Variants in PATJ observed in about 807,000 individuals in gnomAD.
PATJ encodes PATJ crumbs cell polarity complex component.
Under a neutral mutation model 224.9 loss-of-function variants are expected in PATJ, and 190 were observed. That is an observed-to-expected ratio of 0.84 (90% CI 0.75 to 0.95). The LOEUF (loss-of-function observed/expected upper bound fraction) is 0.95, where lower values mean the gene tolerates loss of function less well. Among genes scored for constraint, PATJ ranks in the 40% least tolerant of loss-of-function variants. PATJ has a pLI of 0.00. For synonymous variants in PATJ, 769 were observed against 820.3 expected (o/e 0.94, Z 1.07); for missense variants, 2,121 against 2,270.3 (o/e 0.93, Z 1.34).
chr1:62,147,689 C>T (rs1668187127), intron 41 of PATJ, among the ~76,000 whole-genome samples: 3 of 152,018 alleles, frequency 2.0e-5, no homozygotes, highest in Non-Finnish European at 2.9e-5. Context: ...GTCCCAGCTA[C>T]TCGGGAGGCT....
chr1:61,947,703 G>A (rs1191398986), intron 27 of PATJ, among the ~76,000 whole-genome samples: 1 of 152,008 alleles, frequency 6.6e-6, no homozygotes, highest in Non-Finnish European at 1.5e-5. Flanking sequence ...TCACAGAATT[G>A]GAAAAAACTA....
At chr1:61,905,824 T>A (rs78963311) in intron 24 of PATJ, among the ~76,000 whole-genome samples, 2 of 152,146 alleles carry the variant, frequency 1.3e-5, no homozygotes, top group African/African-American at 4.8e-5. Context: ...CCCCATACAC[T>A]AAGCAGTTCT....
At chr1:61,845,779 G>A (rs1661844486) in intron 17 of PATJ, among the ~76,000 whole-genome samples, 1 of 152,210 alleles carries the variant, frequency 6.6e-6, no homozygotes, top group Non-Finnish European at 1.5e-5. Flanking sequence ...TGGCTGTGTT[G>A]TCAGACAATC....
Position 61,767,371 on chromosome 1 carries a change from C to CAAAAAT in PATJ, c.384+912_384+917dup, listed in dbSNP as rs554429961. On this transcript the variant is annotated intron_variant, in intron 4 of 43. Transcript: ENST00000642238. ...CAATGTAGGGAGACCCCCATCTCTACAAAAATAAAAATAAAAATATAGTCG... is the reference window on the plus strand; with the variant it reads ...CAATGTAGGGAGACCCCCATCTCTACAAAAATAAAAATAAAAATAAAAATATAGTCG... Among the ~76,000 whole-genome samples the CAAAAAT allele has an allele frequency of 1.8e-4, 28 of 151,724 alleles. No homozygotes were observed. In the South Asian group the frequency reaches 5.4e-3, roughly 29 times the overall value.
At chr1:61,934,910 C>G (rs565195384) in intron 27 of PATJ, among the ~76,000 whole-genome samples, 1 of 152,178 alleles carries the variant, frequency 6.6e-6, no homozygotes, top group Admixed American at 6.5e-5. Context: ...CACCTAGTTT[C>G]GGAGCATTCT....
At chr1:61,779,778 G>A (rs551080330) in intron 7 of PATJ, among the ~76,000 whole-genome samples, 128 of 152,280 alleles carry the variant, frequency 8.4e-4, no homozygotes, top group African/African-American at 3.0e-3. Flanking sequence ...ATTTAAAATA[G>A]GTTTATTTAG....
At chr1:61,951,667 A>T (rs1679705276) in intron 27 of PATJ, among the ~76,000 whole-genome samples, 2 of 152,190 alleles carry the variant, frequency 1.3e-5, no homozygotes, top group South Asian at 4.2e-4. Context: ...CTGAAAGCTA[A>T]CTTGAAGGCT....
At chr1:61,997,487 A>G (rs1645434068) in intron 28 of PATJ, among the ~76,000 whole-genome samples, 3 of 152,316 alleles carry the variant, frequency 2.0e-5, no homozygotes, top group Non-Finnish European at 1.5e-5. Context: ...TTTCAGTTAC[A>G]AAAGACTTGC....
At chr1:62,053,967 C>T (rs1654103549) in intron 31 of PATJ, among the ~76,000 whole-genome samples, 1 of 152,082 alleles carries the variant, frequency 6.6e-6, no homozygotes, top group South Asian at 2.1e-4. Flanking sequence ...AAATGCCTTC[C>T]CTCATGGACT....
intron 14 of PATJ, among the ~76,000 whole-genome samples, chr1:61,814,303 C>T (rs1051962001): frequency 6.6e-6 from 1 of 151,838 alleles, no homozygotes; most frequent in African/African-American, 2.4e-5. Context: ...GCTATCACGC[C>T]CAGCTAATTT....
At chr1:61,796,638 T>C (rs1191388403) in intron 10 of PATJ, among the ~76,000 whole-genome samples, 1 of 152,142 alleles carries the variant, frequency 6.6e-6, no homozygotes, top group African/African-American at 2.4e-5. Flanking sequence ...TTCAAAAATA[T>C]ATCCTAAGGT....
chr1:61,795,515 C>G lies in PATJ; in HGVS notation c.1217C>G (p.Ala406Gly). 6.2e-7 allele frequency: 1 copy of G among 1,610,388 alleles called. No homozygotes were observed. The highest frequency in any genetic ancestry group is 2.2e-5 in the East Asian group (1 of 44,764). Residue 406 changes from alanine (A) to glycine (G), a missense_variant, in exon 10 of 44, where the codon GCG (alanine) becomes GGG (glycine). Ala to Gly is a moderately conservative substitution (Grantham distance 60, BLOSUM62 0). Coordinates refer to ENST00000642238, the MANE Select transcript of PATJ (RefSeq NM_001350145.3). ...YVKSIIPGSAAYHNGHIQVND... is the reference protein window; with the variant it reads ...YVKSIIPGSAGYHNGHIQVND... The stretch of plus-strand genomic sequence containing the variant: ...AAAAGTATAATACCTGGCAGTGCTG[C>G]GTACCACAATGGCCACATTCAAGTG...
At chr1:62,104,694 G>T (rs1662670915) in intron 33 of PATJ, among the ~76,000 whole-genome samples, 1 of 151,812 alleles carries the variant, frequency 6.6e-6, no homozygotes, top group Middle Eastern at 3.4e-3. Flanking sequence ...ATTTTTTGAG[G>T]CAGAGTCTCA....
intron 17 of PATJ, among the ~76,000 whole-genome samples, 183 bp from the exon 18 acceptor site, chr1:61,855,847 C>T (rs1484749109): frequency 6.6e-6 from 1 of 152,192 alleles, no homozygotes; most frequent in Non-Finnish European, 1.5e-5. Flanking sequence ...CAGAGGTGTA[C>T]AACCATACTT....
intron 7 of PATJ, among the ~76,000 whole-genome samples, chr1:61,785,165 A>C (rs1648244874): frequency 6.6e-6 from 1 of 152,152 alleles, no homozygotes; most frequent in Non-Finnish European, 1.5e-5. Context: ...TGCCACCTGG[A>C]ACTAGGAATT....
chr1:61,789,569 T>C (rs1239176149), intron 8 of PATJ, among the ~76,000 whole-genome samples: 2 of 151,784 alleles, frequency 1.3e-5, no homozygotes, highest in Non-Finnish European at 2.9e-5. Context: ...TCCGAGCACT[T>C]TGGGAGGATG....
At chr1:61,946,244 CA>C (rs1189108198) in intron 27 of PATJ, among the ~76,000 whole-genome samples, 4 of 151,882 alleles carry the variant, frequency 2.6e-5, no homozygotes, top group African/African-American at 4.8e-5. Context: ...GATAGAGACA[CA>C]AAAAACCCTT....
chr1:62,121,342 T>TTTAA (rs71582664), intron 38 of PATJ, 47 bp downstream of exon 38: 4 of 846,180 alleles, frequency 4.7e-6, no homozygotes, highest in African/African-American at 3.5e-5. Context: ...TTACCCAAAT[T>TTTAA]AAAAAAAAAA....
intron 39 of PATJ, among the ~76,000 whole-genome samples, chr1:62,125,267 A>C (rs1413346624): frequency 2.0e-5 from 3 of 148,064 alleles, no homozygotes; most frequent in South Asian, 2.1e-4. Context: ...AAAAAAACAA[A>C]AAAAAAACGC....
Sources: allele counts gnomAD v4.1 joint callset (sites outside exome capture counted in the v4.1 genomes callset), GRCh38; gene constraint gnomAD v4.1.1; transcripts MANE v1.5; gene names NCBI Gene and HGNC (gene_info 2026-07-23, HGNC 2026-07-21).